CLMN: variants seen among roughly 807,000 people sequenced by gnomAD.
CLMN encodes the protein calmin (calponin-like, transmembrane).
In CLMN, 57 loss-of-function variants were observed where a neutral mutation model predicts 92.7. The observed-to-expected ratio is 0.61, with a 90% CI of 0.50 to 0.77. CLMN has a LOEUF of 0.77. CLMN is among the 30% of genes least tolerant of loss of function. The pLI is 0.00. For missense variants in CLMN, 1,158 were observed against 1,237.5 expected (o/e 0.94, Z 0.96); for synonymous variants, 466 against 470.6 (o/e 0.99, Z 0.13).
At chr14:95,210,652 A>G (rs762736513) in intron 7 of CLMN, 34 bp downstream of exon 7, 2 of 1,588,582 alleles carry the variant, frequency 1.3e-6, no homozygotes. Context: ...TTGTAAAAAA[A>G]AATTATTAGA....
rs1896491091 is a variant in CLMN, at chr14:95,188,560, G to C, written c.*3004C>G. On this transcript the variant is annotated 3_prime_UTR_variant, in exon 13 of 13. Coordinates refer to ENST00000298912, the MANE Select transcript of CLMN (RefSeq NM_024734.4). ...TTAGAGCATCAGCCTGGGTGTAGGG[G>C]AGGGTCCAACATTGAAATAATAGGT... 6.6e-6 allele frequency: 1 copy of C among 152,150 alleles called. No individual in the cohort carries two copies. The highest frequency in any genetic ancestry group is 2.1e-4 in the South Asian group (1 of 4,830). 9.4% of individuals were successfully genotyped at this position (152,150 alleles called of 1,614,324 possible). A position where few individuals can be genotyped will look rare whatever the true frequency, so the allele number is the denominator to read the frequency against.
At chr14:95,296,681 G>A (rs926923078) in intron 1 of CLMN, among the ~76,000 whole-genome samples, 3 of 152,270 alleles carry the variant, frequency 2.0e-5, no homozygotes, top group Admixed American at 6.5e-5. Context: ...TTAATGTAAC[G>A]GCTGGAGCTC....
chr14:95,225,758 T>C lies in CLMN; in HGVS notation c.145-1903A>G, dbSNP rs536754769. 8.3e-4 allele frequency among the ~76,000 whole-genome samples: 126 copies of C among 152,324 alleles called. 1 individual carries two copies. Among genetic ancestry groups the C allele is most frequent in the African/African-American group, 2.9e-3 (122 of 41,574 alleles). ...CTCCCTGAGGGGAAACGCAATTCCCTAAACAGGATCTAGAGTGTGGAGGGG... is the reference window on the plus strand; with the variant it reads ...CTCCCTGAGGGGAAACGCAATTCCCCAAACAGGATCTAGAGTGTGGAGGGG... On this transcript the variant is annotated intron_variant, in intron 2 of 12. Transcript: ENST00000298912.
At chr14:95,208,829 T>C (rs1464235049) in intron 8 of CLMN, among the ~76,000 whole-genome samples, 2 of 152,216 alleles carry the variant, frequency 1.3e-5, no homozygotes, top group Non-Finnish European at 2.9e-5. Flanking sequence ...ATGAAATCTC[T>C]CACCATCCTG....
chr14:95,193,053 T>C, intron 12 of CLMN: 1 of 397,828 alleles, frequency 2.5e-6, no homozygotes, highest in Middle Eastern at 6.8e-4. Flanking sequence ...GACCACACTC[T>C]TGGGTGTTGG....
intron 8 of CLMN, among the ~76,000 whole-genome samples, chr14:95,208,753 T>G (rs35947166): frequency 0.092 from 14,048 of 152,214 alleles, 1,025 homozygotes; most frequent in African/African-American, 0.19. Context: ...CTGAAAAGAT[T>G]AAATGGAAAA....
At position 95,263,217 on chromosome 14, in the gene CLMN, G is replaced by A. The variant is rs555242048; in HGVS notation, c.83-33084C>T. Among the ~76,000 whole-genome samples the A allele has an allele frequency of 2.6e-5, 4 of 152,292 alleles. No homozygotes were observed. In the South Asian group the frequency reaches 6.2e-4, roughly 24 times the overall value. On this transcript the variant is annotated intron_variant, in intron 1 of 12. Transcript: ENST00000298912. ...TGGAAGGTGAAGGAGAAGCAAATACGTCCTCTTCACGTGGCAGCAGCAAGG... is the reference window on the plus strand; with the variant it reads ...TGGAAGGTGAAGGAGAAGCAAATACATCCTCTTCACGTGGCAGCAGCAAGG...
intron 1 of CLMN, among the ~76,000 whole-genome samples, chr14:95,260,335 G>A (rs780818493): frequency 3.9e-5 from 6 of 152,026 alleles, no homozygotes; most frequent in Admixed American, 6.5e-5. Flanking sequence ...GCAGCTACTC[G>A]GGAGGCTGAG....
Position 95,204,348 on chromosome 14 carries a change from C to T in CLMN, c.1001G>A (p.Arg334His), listed in dbSNP as rs150387442. The change falls in exon 9 of 13, where the codon CGT (arginine) becomes CAT (histidine). Residue 334 changes from arginine to histidine, a missense_variant. Transcript: ENST00000298912. ...GGTTTCATGGTTAACAGTGTAGGTACGCTCCCCATTTTCAGTCAGAACGAA... is the reference window on the plus strand; with the variant it reads ...GGTTTCATGGTTAACAGTGTAGGTATGCTCCCCATTTTCAGTCAGAACGAA... Reference protein sequence around the residue: ...KVFVLTENGERTYTVNHETSH... With the variant: ...KVFVLTENGEHTYTVNHETSH... The T allele has an allele frequency of 8.5e-5, 137 of 1,613,994 alleles. No individual in the cohort carries two copies. Among genetic ancestry groups the T allele is most frequent in the African/African-American group, 7.5e-4 (56 of 74,962 alleles).
chr14:95,229,544 T>C (rs969266656), intron 2 of CLMN, among the ~76,000 whole-genome samples: 4 of 151,846 alleles, frequency 2.6e-5, no homozygotes, highest in African/African-American at 9.7e-5. Flanking sequence ...AGGAGGGGGG[T>C]AATTCAAGTC....
At position 95,188,754 on chromosome 14, in the gene CLMN, T is replaced by C. The variant is rs1896495337; in HGVS notation, c.*2810A>G. On this transcript the variant is annotated 3_prime_UTR_variant, in exon 13 of 13. Transcript: ENST00000298912. ...GGAAGGGTGGATAAAAAAACCTAAGTCACATATAAAGGTACGGGAATCAGA... is the reference window on the plus strand; with the variant it reads ...GGAAGGGTGGATAAAAAAACCTAAGCCACATATAAAGGTACGGGAATCAGA... 6.6e-6 allele frequency: 1 copy of C among 151,548 alleles called. No homozygotes were observed. Among genetic ancestry groups the C allele is most frequent in the African/African-American group, 2.4e-5 (1 of 41,226 alleles). The allele number at this position is 151,548 out of a possible 1,614,324, so 9.4% of individuals were successfully genotyped here. A position where few individuals can be genotyped will look rare whatever the true frequency, so the allele number is the denominator to read the frequency against.
At chr14:95,309,133 T>G (rs993321796) in intron 1 of CLMN, among the ~76,000 whole-genome samples, 4 of 152,176 alleles carry the variant, frequency 2.6e-5, no homozygotes, top group African/African-American at 9.7e-5. Flanking sequence ...GAGGCAGGAT[T>G]AGGACTTTTC....
rs1242160500 is a variant in CLMN, at chr14:95,221,655, A to G, written c.324+36T>C. The G allele has an allele frequency of 3.2e-6, 5 of 1,571,560 alleles. No homozygotes were observed. In the Admixed American group the frequency reaches 5.0e-5, roughly 16 times the overall value. On this transcript the variant is annotated intron_variant, in intron 4 of 12. Transcript: ENST00000298912. ...AATGACGTCCTTTTCCTAACAGGAC[A>G]AGCTTGTGTTAGCAGGATGAGCTTC...
chr14:95,239,705 G>A (rs944366688), intron 1 of CLMN, among the ~76,000 whole-genome samples: 1 of 152,212 alleles, frequency 6.6e-6, no homozygotes, highest in South Asian at 2.1e-4. Context: ...CAGTAAATGA[G>A]AGGCTCTGAT....
At chr14:95,235,121 TCA>T (rs140586255) in intron 1 of CLMN, among the ~76,000 whole-genome samples, 6 of 150,650 alleles carry the variant, frequency 4.0e-5, no homozygotes, top group South Asian at 4.2e-4. Flanking sequence ...TCTCTCTCTC[TCA>T]CACACACACA....
chr14:95,202,784 A>T (rs1896919953), intron 9 of CLMN, 54 bp downstream of exon 9: 1 of 1,482,228 alleles, frequency 6.7e-7, no homozygotes, highest in Non-Finnish European at 9.0e-7. Flanking sequence ...CAGACAAAGA[A>T]CTATCAAGTT....
intron 1 of CLMN, among the ~76,000 whole-genome samples, chr14:95,253,396 T>A (rs563090139): frequency 9.1e-4 from 139 of 152,226 alleles, no homozygotes; most frequent in Non-Finnish European, 1.7e-3. Flanking sequence ...CCACATAACC[T>A]CCTAAGGGTT....
chr14:95,251,672 G>T (rs1898791476), intron 1 of CLMN, among the ~76,000 whole-genome samples: 3 of 152,200 alleles, frequency 2.0e-5, no homozygotes, highest in Admixed American at 2.0e-4. Flanking sequence ...ACATAAAAAT[G>T]ATATTCTCAA....
In CLMN at chr14:95,182,994, TG is replaced by T. The variant is rs1426204145; in HGVS notation, c.*8569del. ...AGCCAAGAAGCACTGCCCTAAGCTT[TG>T]GGCTGATATACAGAGGTACACTTGC... On this transcript the variant is annotated 3_prime_UTR_variant, in exon 13 of 13. Transcript: ENST00000298912. 1 of 152,240 alleles carries T rather than the reference TG, an allele frequency of 6.6e-6. No individual in the cohort carries two copies. The highest frequency in any genetic ancestry group is 1.9e-4 in the East Asian group (1 of 5,200). The allele number at this position is 152,240 out of a possible 1,614,324, so 9.4% of individuals were successfully genotyped here.
Sources: gnomAD v4.1 joint callset for allele counts (sites outside exome capture counted in the v4.1 genomes callset) on GRCh38, gnomAD v4.1.1 for gene constraint, MANE v1.5 for transcripts, NCBI Gene and HGNC (gene_info 2026-07-23, HGNC 2026-07-21) for gene names.